WDR41: variants seen among roughly 807,000 people sequenced by gnomAD.
The protein encoded by WDR41 is WD repeat-containing protein 41.
Under a neutral mutation model 69.3 loss-of-function variants are expected in WDR41, and 63 were observed. The observed-to-expected ratio is 0.91, with a 90% CI of 0.74 to 1.12. WDR41 has a LOEUF of 1.12. Among genes scored for constraint, WDR41 ranks in the 50% most tolerant of loss-of-function variants. The pLI, the probability that WDR41 is intolerant of heterozygous loss-of-function variation, is 0.00. For missense variants in WDR41, 543 were observed against 534.5 expected (o/e 1.02, Z -0.16); for synonymous variants, 185 against 192.1 (o/e 0.96, Z 0.31).
chr5:77,432,358 A>G lies in WDR41; in HGVS notation c.*777T>C, dbSNP rs1469609770. 2 of 152,524 alleles carry G rather than the reference A, an allele frequency of 1.3e-5. No individual in the cohort carries two copies. Among genetic ancestry groups the G allele is most frequent in the Non-Finnish European group, 2.9e-5 (2 of 68,054 alleles). The allele number at this position is 152,524 out of a possible 1,614,324, so 9.4% of individuals were successfully genotyped here. On this transcript the variant is annotated 3_prime_UTR_variant, in exon 13 of 13. Transcript: ENST00000296679. ...AACTACATAAAAGAAGTCTGTCTCAAGCAGTTCGTATTTGAGTCAGTGGTC... is the reference window on the plus strand; with the variant it reads ...AACTACATAAAAGAAGTCTGTCTCAGGCAGTTCGTATTTGAGTCAGTGGTC...
At chr5:77,619,813 G>A (rs977266210) in intron 1 of WDR41, among the ~76,000 whole-genome samples, 3 of 151,948 alleles carry the variant, frequency 2.0e-5, no homozygotes, top group Non-Finnish European at 4.4e-5. Context: ...AGGTGACTTC[G>A]GAGCCCAGGG....
intron 1 of WDR41, among the ~76,000 whole-genome samples, chr5:77,562,426 G>A (rs1010397533): frequency 1.3e-5 from 2 of 152,188 alleles, no homozygotes; most frequent in Non-Finnish European, 2.9e-5. Context: ...TAATGAATAT[G>A]TATCTGCACT....
intron 1 of WDR41, among the ~76,000 whole-genome samples, chr5:77,565,967 A>C (rs895060389): frequency 6.6e-6 from 1 of 152,136 alleles, no homozygotes; most frequent in Non-Finnish European, 1.5e-5. Flanking sequence ...CATAGCAGAT[A>C]TATATATTGA....
intron 3 of WDR41, 91 bp downstream of exon 3, chr5:77,464,670 T>C (rs410620): frequency 0.56 from 733,932 of 1,313,166 alleles, 211,239 homozygotes; most frequent in African/African-American, 0.85. Flanking sequence ...CAGTGATATG[T>C]AAATGTATCC....
chr5:77,444,018 C>T (rs1484454303), intron 8 of WDR41, among the ~76,000 whole-genome samples: 1 of 151,600 alleles, frequency 6.6e-6, no homozygotes, highest in African/African-American at 2.4e-5. Context: ...GTAGCTGGGA[C>T]TACAGGCATG....
intron 1 of WDR41, among the ~76,000 whole-genome samples, chr5:77,549,315 ATCTT>A (rs567326173): frequency 1.3e-5 from 2 of 152,286 alleles, no homozygotes; most frequent in South Asian, 4.1e-4. Flanking sequence ...GAGTCAAATT[ATCTT>A]TCTTCACTGA....
At position 77,449,707 on chromosome 5, in the gene WDR41, G is replaced by A. The variant is rs17683543; in HGVS notation, c.697+53C>T. The A allele has an allele frequency of 5.8e-4, 698 of 1,209,634 alleles. 4 individuals are homozygous for A. In the East Asian group the frequency reaches 0.014, roughly 24 times the overall value. The allele number at this position is 1,209,634 out of a possible 1,614,324, so 74.9% of individuals were successfully genotyped here. On this transcript the variant is annotated intron_variant, in intron 8 of 12. Coordinates refer to ENST00000296679, the MANE Select transcript of WDR41 (RefSeq NM_018268.4). Reference sequence around the variant, plus strand: ...TAAGCAAGGCTCGTGTTCAGAGCAGGTTGTGTTAACAAGCACAAAACTGTA... The same window carrying A: ...TAAGCAAGGCTCGTGTTCAGAGCAGATTGTGTTAACAAGCACAAAACTGTA...
At chr5:77,600,929 ATGTGTGTGTGTG>A (rs71608111) in intron 1 of WDR41, among the ~76,000 whole-genome samples, 6 of 144,082 alleles carry the variant, frequency 4.2e-5, no homozygotes, top group East Asian at 4.1e-4. Context: ...CTCTGTGTGT[ATGTGTGTGTGTG>A]TGTGTGTGTG....
intron 1 of WDR41, among the ~76,000 whole-genome samples, chr5:77,574,118 TA>T (rs1393138131): frequency 1.3e-5 from 2 of 151,948 alleles, no homozygotes; most frequent in Non-Finnish European, 2.9e-5. Flanking sequence ...GTCAACATGG[TA>T]AAACCCTGTC....
chr5:77,496,321 GCTCT>G (rs1392959285), upstream of WDR41, among the ~76,000 whole-genome samples: 2 of 151,928 alleles, frequency 1.3e-5, no homozygotes, highest in Admixed American at 6.6e-5. Flanking sequence ...AAGAGGTAAA[GCTCT>G]CTCTATTTGC....
exon 1 of WDR41, chr5:77,620,575 C>T (rs890390760): frequency 2.2e-6 from 1 of 449,878 alleles, no homozygotes; most frequent in Non-Finnish European, 4.5e-6. Flanking sequence ...CCTGCGCTCA[C>T]CTGAGCAACC....
chr5:77,503,291 A>C (rs1011757270), intron 1 of WDR41, among the ~76,000 whole-genome samples: 4 of 152,134 alleles, frequency 2.6e-5, no homozygotes, highest in Non-Finnish European at 5.9e-5. Context: ...GCCATTACAT[A>C]ATGGTAAAGG....
chr5:77,595,032 A>ATGTTTTCTC (rs1427459574), intron 1 of WDR41, among the ~76,000 whole-genome samples: 1 of 152,210 alleles, frequency 6.6e-6, no homozygotes, highest in African/African-American at 2.4e-5. Flanking sequence ...CAGAGGAGAG[A>ATGTTTTCTC]AAACATTTTT....
Position 77,537,430 on chromosome 5 carries a change from T to C in WDR41, c.43-47858A>G, listed in dbSNP as rs1289140260. Among the ~76,000 whole-genome samples the C allele has an allele frequency of 7.2e-5, 11 of 152,304 alleles. No individual in the cohort carries two copies. In the East Asian group the frequency reaches 1.9e-3, roughly 27 times the overall value. Reference sequence around the variant, plus strand: ...AGAAAACATGGCCCAGAGCCTTTATTGGGGTTTTCACAAGAAGGAGTGGGT... The same window carrying C: ...AGAAAACATGGCCCAGAGCCTTTATCGGGGTTTTCACAAGAAGGAGTGGGT... On this transcript the variant is annotated intron_variant, in intron 1 of 5. Transcript: ENST00000509971.
chr5:77,448,421 A>C (rs1799471581), intron 8 of WDR41, among the ~76,000 whole-genome samples: 1 of 152,166 alleles, frequency 6.6e-6, no homozygotes, highest in Non-Finnish European at 1.5e-5. Context: ...GTTTTACAAT[A>C]AGATGGCTAT....
Position 77,583,018 on chromosome 5 carries a change from T to C in WDR41, c.42+37461A>G. 7.5e-6 allele frequency: 12 copies of C among 1,598,948 alleles called. No homozygotes were observed. The South Asian group carries it at 1.3e-4, about 18-fold the overall frequency. ...CTTCCTGTGGCCCTTCAAATTGTCTTCTCCACGAGGTGGAATGAAGAAAAA... is the reference window on the plus strand; with the variant it reads ...CTTCCTGTGGCCCTTCAAATTGTCTCCTCCACGAGGTGGAATGAAGAAAAA... On this transcript the variant is annotated intron_variant, in intron 1 of 5. Transcript: ENST00000509971.
intron 1 of WDR41, among the ~76,000 whole-genome samples, chr5:77,501,592 C>T (rs1289401282): frequency 3.3e-5 from 5 of 152,316 alleles, no homozygotes; most frequent in South Asian, 4.1e-4. Context: ...TCCCTGACCC[C>T]TATGTAGCCT....
intron 1 of WDR41, among the ~76,000 whole-genome samples, chr5:77,594,236 A>T (rs1028453227): frequency 4.1e-5 from 5 of 123,044 alleles, no homozygotes; most frequent in Non-Finnish European, 7.9e-5. Flanking sequence ...GGACACAGGA[A>T]GGGGAACATC....
chr5:77,590,465 G>C (rs546946314), intron 1 of WDR41, among the ~76,000 whole-genome samples: 1 of 152,286 alleles, frequency 6.6e-6, no homozygotes, highest in East Asian at 1.9e-4. Context: ...AGAGAAACAG[G>C]ACAAAACAAA....
Sources: allele counts gnomAD v4.1 joint callset (sites outside exome capture counted in the v4.1 genomes callset), GRCh38; gene constraint gnomAD v4.1.1; transcripts MANE v1.5; gene names NCBI Gene and HGNC (gene_info 2026-07-23, HGNC 2026-07-21).